The following ABCA13 variants were observed in gnomAD, a reference collection of about 807,000 sequenced individuals.
The protein encoded by ABCA13 is ATP-binding cassette sub-family A member 13.
In ABCA13, 476 loss-of-function variants were observed where a neutral mutation model predicts 478.7. The observed-to-expected ratio is 0.99, with a 90% CI of 0.92 to 1.07. ABCA13 has a LOEUF of 1.07. Among genes scored for constraint, ABCA13 ranks in the 50% least tolerant of loss-of-function variants. The pLI, the probability that ABCA13 is intolerant of heterozygous loss-of-function variation, is 0.00. For missense variants in ABCA13, 6,060 were observed against 5,910.6 expected (o/e 1.03, Z -0.83); for synonymous variants, 2,252 against 2,158.9 (o/e 1.04, Z -1.20).
At chr7:48,473,309 C>T (rs908617297) in intron 45 of ABCA13, among the ~76,000 whole-genome samples, 8 of 152,092 alleles carry the variant, frequency 5.3e-5, no homozygotes, top group Non-Finnish European at 1.0e-4. Flanking sequence ...AAGCAAGCTC[C>T]CCGTGCAAGC....
chr7:48,210,760 T>C (rs1386680447), intron 3 of ABCA13, among the ~76,000 whole-genome samples: 1 of 152,184 alleles, frequency 6.6e-6, no homozygotes, highest in African/African-American at 2.4e-5. Context: ...TGGCCTAATA[T>C]ATAATATATC....
chr7:48,190,832 G>A (rs138741945), intron 1 of ABCA13, among the ~76,000 whole-genome samples: 17,382 of 152,120 alleles, frequency 0.11, 1,114 homozygotes, highest in African/African-American at 0.18. Flanking sequence ...CTATAGGAGA[G>A]TGGTTATAAT....
In ABCA13 at chr7:48,310,045, C is replaced by T. The variant is rs377087607; in HGVS notation, c.9420C>T (p.Ile3140=). 11 of 1,613,816 alleles carry T rather than the reference C, an allele frequency of 6.8e-6. No homozygotes were observed. The highest frequency in any genetic ancestry group is 1.6e-4 in the Middle Eastern group (1 of 6,084). ...TTCCCAAAGGGGAAAAATCTTGGAT[C>T]GCAGCGGAGGAACTCTGTAGCCTGC... ...LTFPKGEKSW[I]AAEELCSLPG... is the part of the protein sequence containing the mutation. The change falls in exon 24 of 62, where the codon ATC becomes ATT. Residue 3140 remains isoleucine, a synonymous_variant. Coordinates refer to ENST00000435803, the MANE Select transcript of ABCA13 (RefSeq NM_152701.5).
At chr7:48,179,733 G>A (rs1045778890) in intron 1 of ABCA13, among the ~76,000 whole-genome samples, 1 of 152,198 alleles carries the variant, frequency 6.6e-6, no homozygotes, top group African/African-American at 2.4e-5. Flanking sequence ...TGCTACGAAA[G>A]ATCCCAAATG....
At chr7:48,391,505 A>G (rs1239566001) in intron 37 of ABCA13, among the ~76,000 whole-genome samples, 11 of 152,226 alleles carry the variant, frequency 7.2e-5, no homozygotes, top group Admixed American at 3.9e-4. Flanking sequence ...ACACCTTATT[A>G]TAAAATACGC....
intron 53 of ABCA13, among the ~76,000 whole-genome samples, chr7:48,522,874 T>TA (rs1832650811): frequency 6.6e-6 from 1 of 152,182 alleles, no homozygotes; most frequent in South Asian, 2.1e-4. Flanking sequence ...TGAATACTAC[T>TA]CTGCCAGGCA....
rs371532426 is a variant in ABCA13, at chr7:48,215,434, T to C, written c.288-3920T>C. ...ACTGATTACAGAACACAATAGCAGA[T>C]ATAATAATAATGAAGATTTAAAATA... On this transcript the variant is annotated intron_variant, in intron 3 of 61. Coordinates refer to ENST00000435803, the MANE Select transcript of ABCA13 (RefSeq NM_152701.5). Among the ~76,000 whole-genome samples the C allele has an allele frequency of 1.8e-3, 268 of 152,234 alleles. 1 individual carries two copies. Among genetic ancestry groups the C allele is most frequent in the African/African-American group, 6.0e-3 (250 of 41,536 alleles).
chr7:48,338,260 G>A (rs796533213), intron 28 of ABCA13, 105 bp from the exon 29 acceptor site: 5 of 760,944 alleles, frequency 6.6e-6, no homozygotes, highest in Non-Finnish European at 9.7e-6. Context: ...TTCAGTTTAT[G>A]TGCCTTGTTC....
At chr7:48,509,783 C>T (rs145382861) in intron 50 of ABCA13, among the ~76,000 whole-genome samples, 1 of 152,226 alleles carries the variant, frequency 6.6e-6, no homozygotes, top group African/African-American at 2.4e-5. Context: ...ACCTAATCCC[C>T]AGTGTGATGG....
intron 1 of ABCA13, among the ~76,000 whole-genome samples, chr7:48,186,153 G>C (rs1796325502): frequency 6.6e-6 from 1 of 151,922 alleles, no homozygotes; most frequent in Non-Finnish European, 1.5e-5. Context: ...AATCAAGCTT[G>C]ATAATTCTTG....
intron 51 of ABCA13, among the ~76,000 whole-genome samples, chr7:48,512,095 CAG>C (rs1044805399): frequency 3.8e-4 from 57 of 151,202 alleles, no homozygotes; most frequent in African/African-American, 1.2e-3. Flanking sequence ...GAGAGATTAA[CAG>C]AGAGAGGGAA....
chr7:48,524,571 A>G (rs1832764495), intron 54 of ABCA13, 131 bp downstream of exon 54: 1 of 807,136 alleles, frequency 1.2e-6, no homozygotes, highest in Non-Finnish European at 1.9e-6. Context: ...AGAAATTCCT[A>G]CAAAATCAGT....
chr7:48,269,007 A>T lies in ABCA13; in HGVS notation c.2033A>T (p.Glu678Val). The part of the protein sequence containing the change: ...LAFPEESPCF[E>V]ENMDWKMISD... The stretch of plus-strand genomic sequence containing the variant: ...TTTCCTGAGGAATCTCCTTGTTTTG[A>T]AGAAAACATGGATTGGAAAATGATC... The change falls in exon 16 of 62, where the codon GAA (glutamate) becomes GTA (valine). Residue 678 changes from glutamate (E) to valine (V), a missense_variant. Transcript: ENST00000435803. The T allele has an allele frequency of 6.3e-7, 1 of 1,593,434 alleles. No homozygotes were observed. Among genetic ancestry groups the T allele is most frequent in the Non-Finnish European group, 8.6e-7 (1 of 1,163,764 alleles).
chr7:48,555,202 G>A lies in ABCA13; in HGVS notation c.14355-25022G>A, dbSNP rs557203375. 1.6e-3 allele frequency among the ~76,000 whole-genome samples: 250 copies of A among 151,902 alleles called. 1 individual carries two copies. Among genetic ancestry groups the A allele is most frequent in the African/African-American group, 5.6e-3 (234 of 41,518 alleles). On this transcript the variant is annotated intron_variant, in intron 55 of 61. Transcript: ENST00000435803. ...TAAATTTCACTTGGTCATGATGAAT[G>A]ATCTTTTTAATTCATTGTTGAATTC...
At chr7:48,313,643 T>A (rs886751027) in intron 25 of ABCA13, among the ~76,000 whole-genome samples, 2 of 152,242 alleles carry the variant, frequency 1.3e-5, no homozygotes, top group African/African-American at 2.4e-5. Context: ...TTACTGCAAA[T>A]GCAAACACAA....
intron 56 of ABCA13, among the ~76,000 whole-genome samples, chr7:48,581,279 T>G (rs1451738124): frequency 6.6e-6 from 1 of 152,102 alleles, no homozygotes; most frequent in Non-Finnish European, 1.5e-5. Flanking sequence ...GAACGTTCAT[T>G]CTCTGTTCTG....
chr7:48,295,689 A>C lies in ABCA13; in HGVS notation c.8956-11A>C, dbSNP rs573865204. The C allele has an allele frequency of 2.6e-5, 42 of 1,613,920 alleles. No individual in the cohort carries two copies. The highest frequency in any genetic ancestry group is 3.3e-5 in the Non-Finnish European group (39 of 1,179,820). On this transcript the variant is annotated splice_polypyrimidine_tract_variant and intron_variant, in intron 20 of 61. Transcript: ENST00000435803. ...TGTGCTTCTAACCTATATCATTGCTATGTTTTCTAGGAAATTGAAAAGATA... is the reference window on the plus strand; with the variant it reads ...TGTGCTTCTAACCTATATCATTGCTCTGTTTTCTAGGAAATTGAAAAGATA...
rs957025888 is a variant in ABCA13 at position 48,367,829 on chromosome 7, T to C, written c.10724T>C (p.Ile3575Thr). 4 of 1,576,932 alleles carry C rather than the reference T, an allele frequency of 2.5e-6. No individual in the cohort carries two copies. The African/African-American group carries it at 5.4e-5, about 21-fold the overall frequency. The change falls in exon 32 of 62, where the codon ATA becomes ACA. Residue 3575 changes from isoleucine to threonine, a missense_variant. Ile to Thr is a moderately conservative substitution (Grantham distance 89). Coordinates refer to ENST00000435803, the MANE Select transcript of ABCA13 (RefSeq NM_152701.5). ...AACGTTGGTTTCTTTTTTCCACTGATAATGATGCTGACGTGGATGGTGTCT... is the reference window on the plus strand; with the variant it reads ...AACGTTGGTTTCTTTTTTCCACTGACAATGATGCTGACGTGGATGGTGTCT... ...LNNVGFFFPLIMMLTWMVSVA... is the reference protein window; with the variant it reads ...LNNVGFFFPLTMMLTWMVSVA...
At chr7:48,267,118 C>G (rs1293682745) in intron 15 of ABCA13, among the ~76,000 whole-genome samples, 1 of 152,042 alleles carries the variant, frequency 6.6e-6, no homozygotes, top group Non-Finnish European at 1.5e-5. Flanking sequence ...TTGGTAAATG[C>G]TCCATATGCA....
Sources: gnomAD v4.1 joint callset for allele counts (sites outside exome capture counted in the v4.1 genomes callset) on GRCh38, gnomAD v4.1.1 for gene constraint, MANE v1.5 for transcripts, NCBI Gene and HGNC (gene_info 2026-07-23, HGNC 2026-07-21) for gene names.